CDCA5: variants seen among roughly 807,000 people sequenced by gnomAD.
CDCA5 encodes cell division cycle associated 5, also known as sororin.
CDCA5 carries 14 observed loss-of-function variants against 25.7 expected under a neutral mutation model. The ratio of observed to expected loss-of-function variants is 0.54; its 90% CI spans 0.36 to 0.85. CDCA5 has a LOEUF of 0.85. CDCA5 is among the 40% of genes least tolerant of loss of function. The pLI is 0.01. For synonymous variants in CDCA5, 127 were observed against 128.7 expected (o/e 0.99, Z 0.09); for missense variants, 307 against 324.5 (o/e 0.95, Z 0.41).
intron 4 of CDCA5, 104 bp from the exon 5 acceptor site, chr11:65,079,891 C>CTTTT: frequency 1.7e-5 from 9 of 544,792 alleles, no homozygotes; most frequent in East Asian, 7.2e-5. Flanking sequence ...AGGACACACA[C>CTTTT]TTTTTTTTTT....
At chr11:65,061,220 TG>T in the CDCA5 span, among the ~76,000 whole-genome samples, 1 of 152,198 alleles carries the variant, frequency 6.6e-6, no homozygotes, top group East Asian at 1.9e-4. Flanking sequence ...ACAGGCCTCA[TG>T]GTGAGGCGCT....
In CDCA5 at chr11:65,078,691, G is replaced by A; in HGVS notation, c.*416C>T. 1.0e-6 allele frequency: 1 copy of A among 1,003,020 alleles called. No homozygotes were observed. Among genetic ancestry groups the A allele is most frequent in the Non-Finnish European group, 1.2e-6 (1 of 842,192 alleles). 62.1% of individuals were successfully genotyped at this position (1,003,020 alleles called of 1,614,324 possible). A position where few individuals can be genotyped will look rare whatever the true frequency, so the allele number is the denominator to read the frequency against. On this transcript the variant is annotated 3_prime_UTR_variant, in exon 6 of 6. Coordinates refer to ENST00000275517, the MANE Select transcript of CDCA5 (RefSeq NM_080668.4). ...AACAGAAGGCAACTCAGGAGGGAGA[G>A]GCCGAGGCTGGCAGAGCCCCTGGGC...
At chr11:65,064,557 C>T (rs1300836), downstream of CDCA5, among the ~76,000 whole-genome samples, 141,217 of 152,276 alleles carry the variant, frequency 0.93, 65,581 homozygotes, top group Middle Eastern at 0.97. Context: ...GATCCAACTA[C>T]CATCAACCTC....
chr11:65,063,212 A>T (rs759573875), downstream of CDCA5, among the ~76,000 whole-genome samples: 1 of 152,146 alleles, frequency 6.6e-6, no homozygotes, highest in Non-Finnish European at 1.5e-5. Context: ...CCCTCACAAG[A>T]TGGGGATGGG....
At chr11:65,080,882 C>G (rs1341626985) in intron 4 of CDCA5, among the ~76,000 whole-genome samples, 2 of 152,150 alleles carry the variant, frequency 1.3e-5, no homozygotes, top group East Asian at 3.8e-4. Context: ...TACAGGAAAA[C>G]AGAACAGGAG....
At position 65,077,474 on chromosome 11, in the gene CDCA5, A is replaced by C; in HGVS notation, c.*1633T>G. 1.0e-6 allele frequency: 1 copy of C among 985,336 alleles called. No homozygotes were observed. Among genetic ancestry groups the C allele is most frequent in the East Asian group, 1.1e-4 (1 of 8,832 alleles). 61.0% of individuals were successfully genotyped at this position (985,336 alleles called of 1,614,324 possible). ...TCCATGAACAGGCAGAAACTCTTTA[A>C]TCAGGCTTTTTTTCCAACTCTAAAA... On this transcript the variant is annotated 3_prime_UTR_variant, in exon 6 of 6. Coordinates refer to ENST00000275517, the MANE Select transcript of CDCA5 (RefSeq NM_080668.4).
chr11:65,079,394 C>T lies in CDCA5; in HGVS notation c.637G>A (p.Glu213Lys), dbSNP rs774757594. 19 of 1,613,978 alleles carry T rather than the reference C, an allele frequency of 1.2e-5. No individual in the cohort carries two copies. The highest frequency in any genetic ancestry group is 8.3e-5 in the Admixed American group (5 of 59,984). ...TTCTTCTTCTTACGTTTCTGTTTCT[C>T]GGGTGGTGGGGAGATTCCAGGGAGA... ...MTLPGISPPP[E>K]KQKRKKKKMP... Residue 213 changes from glutamate (E) to lysine (K), a missense_variant, in exon 5 of 6, where the codon GAG becomes AAG. By Grantham distance (56) the Glu-to-Lys change is moderately conservative (BLOSUM62 1). Transcript: ENST00000275517.
Position 65,084,038 on chromosome 11 carries a change from AAG to A in CDCA5, c.-62_-61del. 6.4e-7 allele frequency: 1 copy of A among 1,564,126 alleles called. No homozygotes were observed. Among genetic ancestry groups the A allele is most frequent in the Non-Finnish European group, 8.7e-7 (1 of 1,149,988 alleles). Reference sequence around the variant, plus strand: ...CCGCCCCGGGCGCGCGCCAACCGGGAAGGCCACTCGCTGCAAAAAACGTTCGA... The same window carrying A: ...CCGCCCCGGGCGCGCGCCAACCGGGAGCCACTCGCTGCAAAAAACGTTCGA... On this transcript the variant is annotated 5_prime_UTR_variant, in exon 1 of 6. Coordinates refer to ENST00000275517, the MANE Select transcript of CDCA5 (RefSeq NM_080668.4).
At position 65,078,224 on chromosome 11, in the gene CDCA5, G is replaced by C; in HGVS notation, c.*883C>G. ...AGACTCGGTGTAACTTATTTTGTAA[G>C]AAATGGGTATGGGTGACAAGAGGGG... On this transcript the variant is annotated 3_prime_UTR_variant, in exon 6 of 6. Coordinates refer to ENST00000275517, the MANE Select transcript of CDCA5 (RefSeq NM_080668.4). 1 of 985,440 alleles carries C rather than the reference G, an allele frequency of 1.0e-6. No individual in the cohort carries two copies. The highest frequency in any genetic ancestry group is 5.2e-4 in the Middle Eastern group (1 of 1,914). The allele number at this position is 985,440 out of a possible 1,614,324, so 61.0% of individuals were successfully genotyped here.
Position 65,078,700 on chromosome 11 carries a change from T to C in CDCA5, c.*407A>G. 1 of 1,006,534 alleles carries C rather than the reference T, an allele frequency of 9.9e-7. No individual in the cohort carries two copies. The highest frequency in any genetic ancestry group is 9.7e-5 in the East Asian group (1 of 10,268). 62.4% of individuals were successfully genotyped at this position (1,006,534 alleles called of 1,614,324 possible). A position where few individuals can be genotyped will look rare whatever the true frequency, so the allele number is the denominator to read the frequency against. On this transcript the variant is annotated 3_prime_UTR_variant, in exon 6 of 6. Coordinates refer to ENST00000275517, the MANE Select transcript of CDCA5 (RefSeq NM_080668.4). Reference sequence around the variant, plus strand: ...CAACTCAGGAGGGAGAGGCCGAGGCTGGCAGAGCCCCTGGGCCTATTTCCA... The same window carrying C: ...CAACTCAGGAGGGAGAGGCCGAGGCCGGCAGAGCCCCTGGGCCTATTTCCA...
chr11:65,067,880 C>T lies in CDCA5; in HGVS notation c.270-127G>A, dbSNP rs750767978. 7.1e-5 allele frequency: 59 copies of T among 826,458 alleles called. 2 individuals carry two copies. The highest frequency in any genetic ancestry group is 5.3e-4 in the South Asian group (35 of 66,552). The allele number at this position is 826,458 out of a possible 1,614,324, so 51.2% of individuals were successfully genotyped here. A position where few individuals can be genotyped will look rare whatever the true frequency, so the allele number is the denominator to read the frequency against. ...GGCCTCTCTGGGCCTCCTCTCTGCA[C>T]GGGCCAGGACTGAGTCCTAGCCCAG... On this transcript the variant is annotated intron_variant, in intron 3 of 6. Transcript: ENST00000525464.
At chr11:65,066,520 T>C in intron 6 of CDCA5, 1 of 1,289,192 alleles carries the variant, frequency 7.8e-7, no homozygotes, top group Non-Finnish European at 1.0e-6. Context: ...CAGCCGCCTC[T>C]TCCCTCCCCG....
Position 65,078,694 on chromosome 11 carries a change from C to G in CDCA5, c.*413G>C, listed in dbSNP as rs1371918712. On this transcript the variant is annotated 3_prime_UTR_variant, in exon 6 of 6. Transcript: ENST00000275517. ...AGAAGGCAACTCAGGAGGGAGAGGC[C>G]GAGGCTGGCAGAGCCCCTGGGCCTA... The G allele has an allele frequency of 2.0e-6, 2 of 1,002,454 alleles. No individual in the cohort carries two copies. Among genetic ancestry groups the G allele is most frequent in the South Asian group, 4.7e-5 (1 of 21,458 alleles). The allele number at this position is 1,002,454 out of a possible 1,614,324, so 62.1% of individuals were successfully genotyped here.
At chr11:65,072,868 T>C (rs913375614), downstream of CDCA5, among the ~76,000 whole-genome samples, 13 of 151,716 alleles carry the variant, frequency 8.6e-5, no homozygotes, top group Admixed American at 7.9e-4. Flanking sequence ...GAGGGAATGG[T>C]CAGTTCTACT....
At chr11:65,062,313 A>C (rs1947193611), downstream of CDCA5, among the ~76,000 whole-genome samples, 1 of 152,096 alleles carries the variant, frequency 6.6e-6, no homozygotes, top group Admixed American at 6.5e-5. Flanking sequence ...TGTGAAACCC[A>C]GGTCCGCCAT....
In CDCA5 at chr11:65,078,886, G is replaced by A. The variant is rs1448618331; in HGVS notation, c.*221C>T. Reference sequence around the variant, plus strand: ...AGGAAGGACAGGACGACAAGAGACAGGACACCAGTGAGTGGCTGGGCCAGG... The same window carrying A: ...AGGAAGGACAGGACGACAAGAGACAAGACACCAGTGAGTGGCTGGGCCAGG... On this transcript the variant is annotated 3_prime_UTR_variant, in exon 6 of 6. Coordinates refer to ENST00000275517, the MANE Select transcript of CDCA5 (RefSeq NM_080668.4). 3 of 1,249,698 alleles carry A rather than the reference G, an allele frequency of 2.4e-6. No homozygotes were observed. Among genetic ancestry groups the A allele is most frequent in the Non-Finnish European group, 3.0e-6 (3 of 997,842 alleles). 77.4% of individuals were successfully genotyped at this position (1,249,698 alleles called of 1,614,324 possible).
At chr11:65,070,416 G>T (rs1477014661) in intron 1 of CDCA5, among the ~76,000 whole-genome samples, 1 of 152,254 alleles carries the variant, frequency 6.6e-6, no homozygotes, top group East Asian at 1.9e-4. Context: ...TACCCACGTA[G>T]GGTTGCCAAA....
chr11:65,067,702 G>A, exon 4 of CDCA5: 1 of 1,289,800 alleles, frequency 7.8e-7, no homozygotes, highest in Non-Finnish European at 1.0e-6. Context: ...AGGTCCGCTG[G>A]GGGCCCCAGT....
At chr11:65,070,717 A>C (rs990358048) in intron 1 of CDCA5, among the ~76,000 whole-genome samples, 1 of 152,140 alleles carries the variant, frequency 6.6e-6, no homozygotes, top group Non-Finnish European at 1.5e-5. Context: ...CCTGGGCTCA[A>C]GTGATTCTCC....
Sources: allele counts gnomAD v4.1 joint callset (sites outside exome capture counted in the v4.1 genomes callset), GRCh38; gene constraint gnomAD v4.1.1; transcripts MANE v1.5; gene names NCBI Gene and HGNC (gene_info 2026-07-23, HGNC 2026-07-21).